NPHP3: variants seen among roughly 807,000 people sequenced by gnomAD.
NPHP3 encodes the protein nephrocystin 3.
NPHP3 carries 123 observed loss-of-function variants against 171.9 expected under a neutral mutation model. The ratio of observed to expected loss-of-function variants is 0.72; its 90% CI spans 0.62 to 0.83. The LOEUF (loss-of-function observed/expected upper bound fraction) is 0.83. Ranked by LOEUF, NPHP3 falls within the 40% of genes least tolerant of loss-of-function variation. The pLI is 0.00. For synonymous variants in NPHP3, 558 were observed against 579.2 expected (o/e 0.96, Z 0.52); for missense variants, 1,506 against 1,591.9 (o/e 0.95, Z 0.92).
rs758639162 is a variant in NPHP3, at chr3:132,716,866, TC to T, written c.713del (p.Gly238GlufsTer6). On this transcript the variant is annotated frameshift_variant, in exon 4 of 27. Transcript: ENST00000337331. LOFTEE classifies it high-confidence loss of function. Reference protein sequence around the residue: ...QCEYWTGGALGSEPSIGSMIQ... With the variant: ...QCEYWTGGALXSEPSIGSMIQ... ...TCATGCTTCCTATGGAAGGTTCACT[TC>T]CCAAGGCTCCGCCAGTCCAATATTC... 1 of 1,614,146 alleles carries T rather than the reference TC, an allele frequency of 6.2e-7. No homozygotes were observed. Among genetic ancestry groups the T allele is most frequent in the Admixed American group, 1.7e-5 (1 of 60,024 alleles).
chr3:132,686,434 TC>T, intron 22 of NPHP3, 47 bp from the exon 23 acceptor site: 1 of 1,612,386 alleles, frequency 6.2e-7, no homozygotes, highest in Non-Finnish European at 8.5e-7. Context: ...GTAGGTGCAA[TC>T]CTTGATTCTG....
chr3:132,721,705 G>C (rs753086882), intron 1 of NPHP3: 9 of 670,838 alleles, frequency 1.3e-5, no homozygotes, highest in Non-Finnish European at 1.9e-5. Flanking sequence ...AGGAGGCCGA[G>C]GCGGGAGGAT....
intron 7 of NPHP3, among the ~76,000 whole-genome samples, chr3:132,706,825 T>C (rs1939768303): frequency 6.6e-6 from 1 of 152,228 alleles, no homozygotes; most frequent in African/African-American, 2.4e-5. Context: ...AATATCTTTT[T>C]TGTGGGACGT....
chr3:132,682,537 A>G, intron 26 of NPHP3, 166 bp downstream of exon 26: 2 of 623,044 alleles, frequency 3.2e-6, no homozygotes, highest in Non-Finnish European at 5.7e-6. Flanking sequence ...TGCAGGCTTC[A>G]TTTCATTTCT....
At chr3:132,689,988 T>C (rs1560002875) in intron 19 of NPHP3, among the ~76,000 whole-genome samples, 1 of 152,200 alleles carries the variant, frequency 6.6e-6, no homozygotes, top group African/African-American at 2.4e-5. Flanking sequence ...TGAAGCTTAG[T>C]AGGTTAGACA....
intron 17 of NPHP3, among the ~76,000 whole-genome samples, chr3:132,691,668 G>C (rs1454217696): frequency 2.0e-5 from 3 of 152,116 alleles, no homozygotes; most frequent in Non-Finnish European, 4.4e-5. Context: ...TCAAATGTAA[G>C]ACTTCATTTA....
chr3:132,716,633 A>G, intron 4 of NPHP3, 124 bp downstream of exon 4: 1 of 1,043,334 alleles, frequency 9.6e-7, no homozygotes, highest in South Asian at 1.3e-5. Flanking sequence ...ATGGTTTGTC[A>G]ATGGAAAGCA....
At position 132,719,718 on chromosome 3, in the gene NPHP3, T is replaced by C; in HGVS notation, c.506A>G (p.Lys169Arg). The change falls in exon 2 of 27, where the codon AAA (lysine) becomes AGA (arginine). Residue 169 changes from lysine to arginine, a missense_variant. By Grantham distance (26) the Lys-to-Arg change is conservative (BLOSUM62 2). This residue lies in a region of NPHP3 where 930 missense variants were observed against 924.9 expected (regional missense o/e 1.01). Transcript: ENST00000337331. ...ATFEHDRDKV[K>R]RQFKIFRETK... ...TAAGGAATTTACCTTGAATTGCCTT[T>C]TAACTTTATCTCTGTCATGTTCAAA... 1 of 1,560,100 alleles carries C rather than the reference T, an allele frequency of 6.4e-7. No individual in the cohort carries two copies.
At chr3:132,686,122 T>C in intron 23 of NPHP3, 138 bp downstream of exon 23, 2 of 828,348 alleles carry the variant, frequency 2.4e-6, no homozygotes, top group South Asian at 2.9e-5. Flanking sequence ...TGTATGCTCA[T>C]TATATAACAT....
chr3:132,691,201 A>T lies in NPHP3; in HGVS notation c.2561T>A (p.Leu854Ter). ...GGAACATTTACAATACCTTAGCTGCAAGGTGAAATAGTTGATTAGCTTTTG... is the reference window on the plus strand; with the variant it reads ...GGAACATTTACAATACCTTAGCTGCTAGGTGAAATAGTTGATTAGCTTTTG... ...YRQKLINYFT[L>*]QLSQDRVTWR... The change falls in exon 18 of 27, where the codon TTG becomes TAG. Residue 854 changes from leucine (L) to a stop codon, truncating the protein, a stop_gained. Transcript: ENST00000337331. LOFTEE classifies it high-confidence loss of function. The T allele has an allele frequency of 6.2e-7, 1 of 1,611,764 alleles. No individual in the cohort carries two copies. The highest frequency in any genetic ancestry group is 8.5e-7 in the Non-Finnish European group (1 of 1,177,982).
At chr3:132,717,799 C>T (rs796418167) in intron 3 of NPHP3, among the ~76,000 whole-genome samples, 4 of 125,206 alleles carry the variant, frequency 3.2e-5, no homozygotes, top group African/African-American at 1.2e-4. Flanking sequence ...GGCTCTGTTG[C>T]CACACTGGAG....
At chr3:132,687,989 T>C (rs1310639945) in intron 21 of NPHP3, among the ~76,000 whole-genome samples, 2 of 152,186 alleles carry the variant, frequency 1.3e-5, no homozygotes, top group East Asian at 3.9e-4. Flanking sequence ...TTAAACCTTA[T>C]TTACACAACT....
intron 19 of NPHP3, among the ~76,000 whole-genome samples, chr3:132,690,059 C>T (rs1939260469): frequency 1.3e-5 from 2 of 152,114 alleles, no homozygotes; most frequent in Non-Finnish European, 2.9e-5. Flanking sequence ...AAGAGACAAA[C>T]AGAATACATT....
chr3:132,718,049 C>A, intron 3 of NPHP3: 1 of 408,144 alleles, frequency 2.5e-6, no homozygotes, highest in South Asian at 1.6e-5. Flanking sequence ...CCACCGTGCC[C>A]GGCCTTCATT....
At chr3:132,720,613 C>A (rs139454795) in intron 1 of NPHP3, among the ~76,000 whole-genome samples, 1 of 152,280 alleles carries the variant, frequency 6.6e-6, no homozygotes, top group East Asian at 1.9e-4. Flanking sequence ...TCTTCCCAGA[C>A]AACGACAATA....
chr3:132,698,880 T>C lies in NPHP3; in HGVS notation c.1985+473A>G, dbSNP rs979591998. ...TCTTTTCCCTTGCATCCCAGATCTATCTAACCTCCCCCCAAATCCCTTTTT... is the reference window on the plus strand; with the variant it reads ...TCTTTTCCCTTGCATCCCAGATCTACCTAACCTCCCCCCAAATCCCTTTTT... On this transcript the variant is annotated intron_variant, in intron 13 of 26. Coordinates refer to ENST00000337331, the MANE Select transcript of NPHP3 (RefSeq NM_153240.5). 2.6e-5 allele frequency among the ~76,000 whole-genome samples: 4 copies of C among 152,122 alleles called. No homozygotes were observed. The South Asian group carries it at 6.2e-4, about 24-fold the overall frequency.
At chr3:132,689,518 A>C (rs1288433083) in intron 19 of NPHP3, among the ~76,000 whole-genome samples, 1 of 152,142 alleles carries the variant, frequency 6.6e-6, no homozygotes, top group Non-Finnish European at 1.5e-5. Context: ...CTCAGCTGGT[A>C]CTGTAGGGGG....
rs781325730 is a variant in NPHP3, at chr3:132,716,883, T to C, written c.697A>G (p.Thr233Ala). 1 of 1,614,114 alleles carries C rather than the reference T, an allele frequency of 6.2e-7. No individual in the cohort carries two copies. The highest frequency in any genetic ancestry group is 1.1e-5 in the South Asian group (1 of 91,088). ...TAAGTQCEYW[T>A]GGALGSEPSI... ...GGTTCACTTCCCAAGGCTCCGCCAG[T>C]CCAATATTCACATTGGGTTCCAGCA... The change falls in exon 4 of 27, where the codon ACT (threonine) becomes GCT (alanine). Residue 233 changes from threonine (T) to alanine (A), a missense_variant. Transcript: ENST00000337331.
At position 132,722,097 on chromosome 3, in the gene NPHP3, C is replaced by T; in HGVS notation, c.259G>A (p.Ala87Thr). 2.5e-6 allele frequency: 4 copies of T among 1,609,194 alleles called. No homozygotes were observed. Among genetic ancestry groups the T allele is most frequent in the Non-Finnish European group, 2.5e-6 (3 of 1,179,792 alleles). Residue 87 changes from alanine (A) to threonine (T), a missense_variant, in exon 1 of 27, where the codon GCG (alanine) becomes ACG (threonine). By Grantham distance (58) the Ala-to-Thr change is moderately conservative. This residue lies in a region of NPHP3 where 930 missense variants were observed against 924.9 expected (regional missense o/e 1.01). Coordinates refer to ENST00000337331, the MANE Select transcript of NPHP3 (RefSeq NM_153240.5). ...TGSSVPELEY[A>T]AAEYERLRKE... ...CTGAGCCGCTCGTACTCGGCCGCCGCGTACTCCAGCTCTGGCACCGACGAG... is the reference window on the plus strand; with the variant it reads ...CTGAGCCGCTCGTACTCGGCCGCCGTGTACTCCAGCTCTGGCACCGACGAG...
Sources: gnomAD v4.1 joint callset for allele counts (sites outside exome capture counted in the v4.1 genomes callset) on GRCh38, gnomAD v4.1.1 for gene constraint, gnomAD v4.1.1 regional missense constraint, MANE v1.5 for transcripts, NCBI Gene and HGNC (gene_info 2026-07-23, HGNC 2026-07-21) for gene names.